Variants in DSE observed in about 807,000 individuals in gnomAD.
DSE encodes the protein dermatan-sulfate epimerase.
DSE carries 36 observed loss-of-function variants against 84.4 expected under a neutral mutation model. The observed-to-expected ratio is 0.43, with a 90% CI of 0.33 to 0.56. The LOEUF (loss-of-function observed/expected upper bound fraction) is 0.56. Ranked by LOEUF, DSE falls within the 20% of genes least tolerant of loss-of-function variation. DSE has a pLI of 0.06. For missense variants in DSE, 862 were observed against 1,169.6 expected (o/e 0.74, Z 3.84); for synonymous variants, 410 against 430.1 (o/e 0.95, Z 0.58).
intron 2 of DSE, among the ~76,000 whole-genome samples, chr6:116,414,989 C>G (rs187168647): frequency 9.8e-4 from 150 of 152,288 alleles, no homozygotes; most frequent in Non-Finnish European, 8.5e-4. Flanking sequence ...TTTTGACATG[C>G]TAGGATGTGG....
At chr6:116,299,306 G>GA (rs1463286526) in intron 2 of DSE, among the ~76,000 whole-genome samples, 1 of 151,242 alleles carries the variant, frequency 6.6e-6, no homozygotes, top group Admixed American at 6.6e-5. Flanking sequence ...AAAATTTTGG[G>GA]AAAAAAGAGA....
At chr6:116,419,535 C>A (rs910935914) in intron 2 of DSE, among the ~76,000 whole-genome samples, 4 of 151,958 alleles carry the variant, frequency 2.6e-5, no homozygotes, top group Non-Finnish European at 5.9e-5. Context: ...TAGAGTTGAC[C>A]TAATTCTGGC....
intron 1 of DSE, chr6:116,256,394 C>T (rs1376423185): frequency 6.6e-6 from 1 of 152,206 alleles, no homozygotes; most frequent in Non-Finnish European, 1.5e-5. Flanking sequence ...GTACTGAATA[C>T]TGTAGGCACT....
At chr6:116,300,162 A>G (rs892802044) in intron 2 of DSE, among the ~76,000 whole-genome samples, 3 of 152,162 alleles carry the variant, frequency 2.0e-5, no homozygotes, top group Non-Finnish European at 4.4e-5. Context: ...GCCCCAACCT[A>G]CTGAATTTGT....
At chr6:116,396,494 C>T (rs963950176) in intron 1 of DSE, among the ~76,000 whole-genome samples, 6 of 152,130 alleles carry the variant, frequency 3.9e-5, no homozygotes, top group Admixed American at 6.5e-5. Flanking sequence ...CATTGGCTAA[C>T]GTGGTGTTCT....
rs1781481707 is a variant in DSE at position 116,399,724 on chromosome 6, C to T, written c.416+58C>T. ...AACTCTGCATTAGAAAGAAACAAAT[C>T]CATATGACATCTCAGTGGCCAGATC... On this transcript the variant is annotated intron_variant, in intron 2 of 5. Transcript: ENST00000644252. 68 of 1,507,866 alleles carry T rather than the reference C, an allele frequency of 4.5e-5. 3 individuals are homozygous for T. The South Asian group carries it at 8.1e-4, about 18-fold the overall frequency. The allele number at this position is 1,507,866 out of a possible 1,614,324, so 93.4% of individuals were successfully genotyped here.
chr6:116,427,283 C>T (rs890117638), intron 3 of DSE, among the ~76,000 whole-genome samples: 4 of 152,190 alleles, frequency 2.6e-5, no homozygotes, highest in African/African-American at 9.6e-5. Flanking sequence ...TATTTACATC[C>T]AAATTGGAAG....
chr6:116,411,380 G>T (rs191591778), intron 2 of DSE, among the ~76,000 whole-genome samples: 1 of 152,234 alleles, frequency 6.6e-6, no homozygotes, highest in Non-Finnish European at 1.5e-5. Flanking sequence ...CTGCAGCCAC[G>T]TGGGTGTCCT....
intron 2 of DSE, among the ~76,000 whole-genome samples, chr6:116,311,049 C>G (rs1363281928): frequency 6.6e-6 from 1 of 152,200 alleles, no homozygotes; most frequent in African/African-American, 2.4e-5. Flanking sequence ...TTCACACATG[C>G]TGCACTTCTG....
At chr6:116,388,055 C>G (rs1348873768) in intron 1 of DSE, among the ~76,000 whole-genome samples, 1 of 152,126 alleles carries the variant, frequency 6.6e-6, no homozygotes, top group Non-Finnish European at 1.5e-5. Context: ...ACCAGTAGAT[C>G]CATGTCTACA....
intron 1 of DSE, among the ~76,000 whole-genome samples, chr6:116,380,170 A>G (rs185064493): frequency 1.6e-4 from 24 of 152,256 alleles, no homozygotes; most frequent in Admixed American, 2.6e-4. Context: ...GGAGAGTCAG[A>G]TGAAAGGATA....
At chr6:116,302,729 G>C (rs1199166564) in intron 2 of DSE, among the ~76,000 whole-genome samples, 1 of 147,728 alleles carries the variant, frequency 6.8e-6, no homozygotes, top group East Asian at 2.3e-4. Context: ...CCTATGTCCT[G>C]AATGGTATTG....
intron 2 of DSE, among the ~76,000 whole-genome samples, chr6:116,312,533 G>A (rs1775750505): frequency 6.6e-6 from 1 of 152,164 alleles, no homozygotes; most frequent in Admixed American, 6.5e-5. Context: ...CCAGGTATAG[G>A]AGGGAGACCT....
In DSE at chr6:116,355,150, T is replaced by C. The variant is rs144451333; in HGVS notation, c.-53-44048T>C. ...GTTGAACAACTTTGCATACATACAG[T>C]TTCACACATACGTGCATATATTCTA... On this transcript the variant is annotated intron_variant, in intron 2 of 3. Transcript: ENST00000430252. Among the ~76,000 whole-genome samples, 3 of 152,318 alleles carry C rather than the reference T, an allele frequency of 2.0e-5. No homozygotes were observed. In the East Asian group the frequency reaches 5.8e-4, roughly 29 times the overall value.
In DSE at chr6:116,399,653, G is replaced by A; in HGVS notation, c.403G>A (p.Ala135Thr). 6.2e-7 allele frequency: 1 copy of A among 1,612,906 alleles called. No individual in the cohort carries two copies. Among genetic ancestry groups the A allele is most frequent in the South Asian group, 1.1e-5 (1 of 91,004 alleles). Residue 135 changes from alanine (A) to threonine (T), a missense_variant, in exon 2 of 6, where the codon GCG (alanine) becomes ACG (threonine). This residue lies in a region of DSE where 309 missense variants were observed against 516.9 expected (regional missense o/e 0.60). Transcript: ENST00000644252. ...CAAAGACTACATGGAGAGGATGGCA[G>A]CGCAGCCTAGTTGGTAGATTTTTGT... ...MAKDYMERMA[A>T]QPSWLVKDAP...
chr6:116,321,965 A>G (rs1042992027), intron 2 of DSE, among the ~76,000 whole-genome samples: 1 of 152,104 alleles, frequency 6.6e-6, no homozygotes, highest in Non-Finnish European at 1.5e-5. Context: ...CTCCTCAGAC[A>G]CCGAGTTAAA....
rs1369585909 is a variant in DSE, at chr6:116,437,447, C to A, written c.*102C>A. 1.8e-6 allele frequency: 2 copies of A among 1,093,778 alleles called. No individual in the cohort carries two copies. The highest frequency in any genetic ancestry group is 5.3e-5 in the East Asian group (2 of 37,580). The allele number at this position is 1,093,778 out of a possible 1,614,324, so 67.8% of individuals were successfully genotyped here. A position where few individuals can be genotyped will look rare whatever the true frequency, so the allele number is the denominator to read the frequency against. ...TTATCAGATTTTTTTCCCTCAGATTCATTTTAACAAATTAAGGGAAGATAT... is the reference window on the plus strand; with the variant it reads ...TTATCAGATTTTTTTCCCTCAGATTAATTTTAACAAATTAAGGGAAGATAT... On this transcript the variant is annotated 3_prime_UTR_variant, in exon 6 of 6. Transcript: ENST00000644252.
chr6:116,364,614 A>G lies in DSE; in HGVS notation c.-53-34584A>G, dbSNP rs192656694. ...AAACATTAACTGCAATATGAAGTCA[A>G]CTTCACTAGTTCAGCCAGTATTGAC... On this transcript the variant is annotated intron_variant, in intron 2 of 3. Transcript: ENST00000430252. Among the ~76,000 whole-genome samples the G allele has an allele frequency of 6.8e-3, 1,033 of 152,370 alleles. 21 individuals are homozygous for G. The highest frequency in any genetic ancestry group is 0.053 in the South Asian group (256 of 4,828).
At chr6:116,269,018 TAAAAAAAAAAAGAAA>T (rs1201905359) in intron 2 of DSE, among the ~76,000 whole-genome samples, 2 of 145,870 alleles carry the variant, frequency 1.4e-5, no homozygotes, top group East Asian at 3.9e-4. Flanking sequence ...GATAATACTT[TAAAAAAAAAAAGAAA>T]AAAAAAAACC....
Sources: gnomAD v4.1 joint callset for allele counts (sites outside exome capture counted in the v4.1 genomes callset) on GRCh38, gnomAD v4.1.1 for gene constraint, gnomAD v4.1.1 regional missense constraint, MANE v1.5 for transcripts, NCBI Gene and HGNC (gene_info 2026-07-23, HGNC 2026-07-21) for gene names.